Variants in C13orf42 observed in about 807,000 individuals in gnomAD.
C13orf42 encodes the protein uncharacterized protein C13orf42.
intron 1 of C13orf42, among the ~76,000 whole-genome samples, chr13:51,151,958 G>A (rs748402782): frequency 3.9e-5 from 6 of 152,292 alleles, no homozygotes; most frequent in South Asian, 4.1e-4. Flanking sequence ...CAGGAGTCAC[G>A]TGGGAGCTTG....
At position 51,088,437 on chromosome 13, in the gene C13orf42, C is replaced by T. The variant is rs539686440; in HGVS notation, c.415-362G>A. Among the ~76,000 whole-genome samples, 17 of 152,164 alleles carry T rather than the reference C, an allele frequency of 1.1e-4. No homozygotes were observed. In the South Asian group the frequency reaches 2.3e-3, roughly 20 times the overall value. On this transcript the variant is annotated intron_variant, in intron 1 of 3. Transcript: ENST00000563710. The stretch of plus-strand genomic sequence containing the variant: ...ACAGTTCCTTAAGTAGGTGGTGAGA[C>T]GCTCACCACAGGAAAGAGATGATAG...
chr13:51,114,452 CT>C (rs928269257), upstream of C13orf42, among the ~76,000 whole-genome samples: 2 of 152,136 alleles, frequency 1.3e-5, no homozygotes, highest in East Asian at 1.9e-4. Context: ...GTGTATTTGA[CT>C]TTTTTTTCTC....
chr13:51,122,025 A>C (rs1417865238), intron 1 of C13orf42, among the ~76,000 whole-genome samples: 1 of 152,204 alleles, frequency 6.6e-6, no homozygotes, highest in Non-Finnish European at 1.5e-5. Context: ...CTGTATAATA[A>C]ATATTTCATG....
At position 51,087,962 on chromosome 13, in the gene C13orf42, C is replaced by T. The variant is rs1953146137; in HGVS notation, c.528G>A (p.Glu176=). The change falls in exon 2 of 4, where the codon GAG becomes GAA. Residue 176 remains glutamate (E), a synonymous_variant. Transcript: ENST00000563710. ...LDTERRPRAA[E]ASLPNEDVDF... ...CCACATCTTCATTTGGCAGGCTGGC[C>T]TCAGCAGCCCGGGGTCGTCTCTCTG... 2 of 398,914 alleles carry T rather than the reference C, an allele frequency of 5.0e-6. No individual in the cohort carries two copies. The highest frequency in any genetic ancestry group is 8.8e-6 in the Non-Finnish European group (2 of 226,280). The allele number at this position is 398,914 out of a possible 1,614,324, so 24.7% of individuals were successfully genotyped here. A position where few individuals can be genotyped will look rare whatever the true frequency, so the allele number is the denominator to read the frequency against.
At chr13:51,120,270 G>A (rs1176948639) in intron 1 of C13orf42, among the ~76,000 whole-genome samples, 1 of 152,176 alleles carries the variant, frequency 6.6e-6, no homozygotes. Context: ...CCACCACAGA[G>A]ATGGGGACAT....
intron 1 of C13orf42, among the ~76,000 whole-genome samples, chr13:51,093,584 G>C (rs1035709388): frequency 1.3e-5 from 2 of 152,142 alleles, no homozygotes; most frequent in African/African-American, 4.8e-5. Context: ...TAAATAATAA[G>C]GTTAGTGGTG....
chr13:51,088,267 A>T (rs1270455173), intron 1 of C13orf42, among the ~76,000 whole-genome samples, 192 bp from the exon 2 acceptor site: 1 of 152,198 alleles, frequency 6.6e-6, no homozygotes, highest in African/African-American at 2.4e-5. Context: ...AGGTCAATGG[A>T]TTTCTAATTG....
At chr13:51,109,696 G>C (rs1263317705) in intron 1 of C13orf42, among the ~76,000 whole-genome samples, 1 of 152,180 alleles carries the variant, frequency 6.6e-6, no homozygotes, top group Non-Finnish European at 1.5e-5. Flanking sequence ...TGAGGTTGCA[G>C]TGAGCTATGA....
chr13:51,170,218 T>A (rs1953936556), intron 1 of C13orf42, among the ~76,000 whole-genome samples: 1 of 152,154 alleles, frequency 6.6e-6, no homozygotes, highest in Admixed American at 6.5e-5. Context: ...GTTTGCTGAC[T>A]CTTTTCGGAC....
intron 1 of C13orf42, among the ~76,000 whole-genome samples, chr13:51,136,878 T>A (rs1045425511): frequency 6.6e-6 from 1 of 152,200 alleles, no homozygotes; most frequent in Non-Finnish European, 1.5e-5. Flanking sequence ...ACCGGGAATA[T>A]AGCTGTGAGC....
intron 1 of C13orf42, among the ~76,000 whole-genome samples, chr13:51,163,913 A>G (rs1337906362): frequency 6.6e-6 from 1 of 152,124 alleles, no homozygotes; most frequent in East Asian, 1.9e-4. Context: ...AGTCATAAGA[A>G]CAGGAGAATG....
At chr13:51,112,738 C>T (rs958659504), upstream of C13orf42, among the ~76,000 whole-genome samples, 8 of 152,280 alleles carry the variant, frequency 5.3e-5, no homozygotes, top group East Asian at 3.9e-4. Context: ...GAAGAAGGGG[C>T]GCGCTGGAGA....
At chr13:51,133,968 A>G (rs928838376) in intron 1 of C13orf42, among the ~76,000 whole-genome samples, 1 of 152,072 alleles carries the variant, frequency 6.6e-6, no homozygotes, top group Admixed American at 6.5e-5. Context: ...CCCTCAGGAG[A>G]GCAGGCATCC....
chr13:51,157,996 T>TA (rs1249559868), intron 1 of C13orf42, among the ~76,000 whole-genome samples: 1 of 152,148 alleles, frequency 6.6e-6, no homozygotes, highest in African/African-American at 2.4e-5. Flanking sequence ...ATAACGTTTT[T>TA]AAAAAACAAA....
At chr13:51,146,515 C>T (rs980110591) in intron 1 of C13orf42, among the ~76,000 whole-genome samples, 1 of 152,166 alleles carries the variant, frequency 6.6e-6, no homozygotes, top group African/African-American at 2.4e-5. Flanking sequence ...TAACATGTGC[C>T]CAAGGTGGTC....
At chr13:51,146,257 G>C (rs1271389679) in intron 1 of C13orf42, among the ~76,000 whole-genome samples, 1 of 152,138 alleles carries the variant, frequency 6.6e-6, no homozygotes, top group Non-Finnish European at 1.5e-5. Flanking sequence ...GGACATCTGA[G>C]ATCCCTGCCT....
chr13:51,141,356 G>C (rs961950615), intron 1 of C13orf42, among the ~76,000 whole-genome samples: 1 of 151,796 alleles, frequency 6.6e-6, no homozygotes, highest in South Asian at 2.1e-4. Flanking sequence ...ACACTCAGAA[G>C]TGTCTGTTTA....
chr13:51,147,177 G>T (rs1375679741), intron 1 of C13orf42, among the ~76,000 whole-genome samples: 1 of 152,236 alleles, frequency 6.6e-6, no homozygotes, highest in Non-Finnish European at 1.5e-5. Flanking sequence ...TTCCTGTTCT[G>T]CATCTGCATA....
chr13:51,162,080 C>T (rs1409335133), intron 1 of C13orf42: 5 of 336,892 alleles, frequency 1.5e-5, no homozygotes, highest in African/African-American at 6.5e-5. Flanking sequence ...AACCTTTACA[C>T]CGTATTTTGG....
Sources: allele counts gnomAD v4.1 joint callset (sites outside exome capture counted in the v4.1 genomes callset), GRCh38; gene constraint gnomAD v4.1.1; transcripts MANE v1.5; gene names NCBI Gene and HGNC (gene_info 2026-07-23, HGNC 2026-07-21).